Variants in COL21A1 observed in about 807,000 individuals in gnomAD.
The protein encoded by COL21A1 is collagen alpha-1(XXI) chain.
COL21A1 carries 149 observed loss-of-function variants against 137.9 expected under a neutral mutation model. The ratio of observed to expected loss-of-function variants is 1.08; its 90% CI spans 0.95 to 1.24. The LOEUF is 1.24. Among genes scored for constraint, COL21A1 ranks in the 50% most tolerant of loss-of-function variants. The pLI, the probability that COL21A1 is intolerant of heterozygous loss-of-function variation, is 0.00. For missense variants in COL21A1, 1,167 were observed against 1,158.4 expected (o/e 1.01, Z -0.11); for synonymous variants, 456 against 391.5 (o/e 1.16, Z -1.95).
At chr6:56,303,755 C>T (rs891499793) in intron 1 of COL21A1, among the ~76,000 whole-genome samples, 5 of 152,212 alleles carry the variant, frequency 3.3e-5, no homozygotes, top group Admixed American at 6.5e-5. Flanking sequence ...CTGGCCAGAA[C>T]TTCCAACACT....
intron 21 of COL21A1, among the ~76,000 whole-genome samples, 177 bp downstream of exon 21, chr6:56,070,568 A>C (rs1766652697): frequency 6.6e-6 from 1 of 151,612 alleles, no homozygotes; most frequent in Non-Finnish European, 1.5e-5. Flanking sequence ...CAAAGTATCT[A>C]AAAAACAGAA....
At chr6:56,302,677 G>A (rs1375622978) in intron 1 of COL21A1, among the ~76,000 whole-genome samples, 8 of 152,070 alleles carry the variant, frequency 5.3e-5, no homozygotes, top group African/African-American at 1.9e-4. Context: ...CATTCTGTAG[G>A]TTGCCTGTTC....
intron 12 of COL21A1, among the ~76,000 whole-genome samples, chr6:56,137,121 T>C (rs967598811): frequency 1.3e-5 from 2 of 152,212 alleles, no homozygotes; most frequent in Non-Finnish European, 2.9e-5. Context: ...TTGACACAAA[T>C]GACTTAAGCT....
chr6:56,220,556 T>C (rs1780765699), intron 1 of COL21A1, among the ~76,000 whole-genome samples: 1 of 152,154 alleles, frequency 6.6e-6, no homozygotes, highest in South Asian at 2.1e-4. Context: ...AATGGTTCTG[T>C]ATAACTAAGA....
chr6:56,073,066 C>G (rs1207100839), intron 20 of COL21A1, among the ~76,000 whole-genome samples: 1 of 151,038 alleles, frequency 6.6e-6, no homozygotes, highest in Non-Finnish European at 1.5e-5. Context: ...TACAATTGAC[C>G]TTCAACACAG....
intron 1 of COL21A1, among the ~76,000 whole-genome samples, chr6:56,347,639 A>C (rs1418511107): frequency 5.9e-5 from 9 of 152,154 alleles, no homozygotes; most frequent in Non-Finnish European, 4.4e-5. Context: ...TCCCCAGGTA[A>C]TTCTGATACA....
intron 1 of COL21A1, among the ~76,000 whole-genome samples, chr6:56,270,129 G>A (rs1304022777): frequency 2.0e-5 from 3 of 152,196 alleles, no homozygotes; most frequent in Non-Finnish European, 2.9e-5. Flanking sequence ...AGAGTGGCAA[G>A]CTAAATAAAA....
intron 1 of COL21A1, among the ~76,000 whole-genome samples, chr6:56,303,779 G>A (rs1028498217): frequency 1.7e-4 from 26 of 152,282 alleles, no homozygotes; most frequent in African/African-American, 6.3e-4. Context: ...TTGAATAGGA[G>A]TGGTGAGAGA....
intron 1 of COL21A1, among the ~76,000 whole-genome samples, chr6:56,388,346 G>T (rs2152353325): frequency 6.6e-6 from 1 of 152,256 alleles, no homozygotes; most frequent in South Asian, 2.1e-4. Flanking sequence ...TGCCAGCTGT[G>T]GTGGACATAG....
chr6:56,198,207 C>T (rs1431606290), intron 1 of COL21A1, among the ~76,000 whole-genome samples: 3 of 151,962 alleles, frequency 2.0e-5, no homozygotes, highest in Non-Finnish European at 4.4e-5. Flanking sequence ...TTGATTAACC[C>T]AGGCTGGGGA....
At chr6:56,163,116 A>G (rs1276346426) in intron 9 of COL21A1, among the ~76,000 whole-genome samples, 1 of 152,202 alleles carries the variant, frequency 6.6e-6, no homozygotes, top group Non-Finnish European at 1.5e-5. Context: ...ATTATCTTGG[A>G]CCAGCAGAAA....
intron 9 of COL21A1, among the ~76,000 whole-genome samples, chr6:56,158,815 A>G (rs1418688598): frequency 6.6e-6 from 1 of 152,174 alleles, no homozygotes; most frequent in East Asian, 1.9e-4. Flanking sequence ...AGCTTGAGGA[A>G]AGGCTTGAGA....
chr6:56,189,153 G>A (rs990413593), intron 1 of COL21A1, among the ~76,000 whole-genome samples: 14 of 151,966 alleles, frequency 9.2e-5, no homozygotes, highest in Admixed American at 2.6e-4. Flanking sequence ...CAGAAGGTGG[G>A]TAATAACAAA....
At chr6:56,215,628 A>G (rs1003292723) in intron 1 of COL21A1, among the ~76,000 whole-genome samples, 1 of 152,072 alleles carries the variant, frequency 6.6e-6, no homozygotes, top group Non-Finnish European at 1.5e-5. Context: ...CTCTAAAAGC[A>G]AGGATAAATC....
chr6:56,339,250 T>A (rs545241480), intron 1 of COL21A1, among the ~76,000 whole-genome samples: 4 of 152,312 alleles, frequency 2.6e-5, no homozygotes, highest in South Asian at 4.1e-4. Flanking sequence ...TCAGAGGGAC[T>A]TGTTTTTAGT....
chr6:56,383,428 TTAG>T (rs2152352325), intron 1 of COL21A1, among the ~76,000 whole-genome samples: 1 of 152,356 alleles, frequency 6.6e-6, no homozygotes, highest in African/African-American at 2.4e-5. Context: ...AACTGTTTTC[TTAG>T]GTGACTGGAT....
chr6:56,089,540 GA>G (rs1768591232), intron 17 of COL21A1, among the ~76,000 whole-genome samples: 2 of 151,888 alleles, frequency 1.3e-5, no homozygotes, highest in Admixed American at 1.3e-4. Flanking sequence ...TATATGTATT[GA>G]AAAAAATCCA....
At position 56,144,040 on chromosome 6, in the gene COL21A1, C is replaced by A. The variant is rs140680511; in HGVS notation, c.1435-2057G>T. On this transcript the variant is annotated intron_variant, in intron 10 of 29. Coordinates refer to ENST00000244728, the MANE Select transcript of COL21A1 (RefSeq NM_030820.4). Reference sequence around the variant, plus strand: ...TTCAATCTACATGGAATTTGCTCAGCCCTGTATGTCTACTACTCTAGTTAT... The same window carrying A: ...TTCAATCTACATGGAATTTGCTCAGACCTGTATGTCTACTACTCTAGTTAT... 4.9e-3 allele frequency among the ~76,000 whole-genome samples: 748 copies of A among 152,278 alleles called. 8 individuals carry two copies. Among genetic ancestry groups the A allele is most frequent in the African/African-American group, 0.016 (663 of 41,562 alleles).
chr6:56,341,812 A>G (rs774250978), intron 1 of COL21A1, among the ~76,000 whole-genome samples: 2 of 152,190 alleles, frequency 1.3e-5, no homozygotes, highest in Non-Finnish European at 2.9e-5. Context: ...GAGCCTGTGC[A>G]TACATGGTGG....
Sources: gnomAD v4.1 joint callset for allele counts (sites outside exome capture counted in the v4.1 genomes callset) on GRCh38, gnomAD v4.1.1 for gene constraint, MANE v1.5 for transcripts, NCBI Gene and HGNC (gene_info 2026-07-23, HGNC 2026-07-21) for gene names.